MAML3: variants seen among roughly 807,000 people sequenced by gnomAD.
The protein encoded by MAML3 is mastermind-like protein 3.
MAML3 carries 27 observed loss-of-function variants against 101.9 expected under a neutral mutation model. That is an observed-to-expected ratio of 0.27 (90% CI 0.20 to 0.37). The LOEUF (loss-of-function observed/expected upper bound fraction) is 0.37, where lower values mean the gene tolerates loss of function less well. Ranked by LOEUF, MAML3 falls within the 10% of genes least tolerant of loss-of-function variation. The probability of loss-of-function intolerance (pLI) is 1.00; values close to 1 mark genes in which losing one functional copy is unlikely to be tolerated. For missense variants in MAML3, 1,316 were observed against 1,444.9 expected, an observed-to-expected ratio of 0.91 and a Z score of 1.45; for synonymous variants, 501 against 555.9, an observed-to-expected ratio of 0.90 and a Z score of 1.39.
At chr4:140,040,843 C>T (rs1332806807) in intron 1 of MAML3, among the ~76,000 whole-genome samples, 1 of 152,018 alleles carries the variant, frequency 6.6e-6, no homozygotes, top group Admixed American at 6.6e-5. Flanking sequence ...AAACATAAAA[C>T]ATTACCCTCC....
intron 1 of MAML3, among the ~76,000 whole-genome samples, chr4:139,954,783 T>C (rs1463917568): frequency 6.6e-6 from 1 of 152,172 alleles, no homozygotes; most frequent in African/African-American, 2.4e-5. Flanking sequence ...GCCTTTCGAG[T>C]ATCTGGGATT....
intron 2 of MAML3, among the ~76,000 whole-genome samples, chr4:139,801,081 C>T (rs1730595332): frequency 6.6e-6 from 1 of 152,190 alleles, no homozygotes; most frequent in African/African-American, 2.4e-5. Flanking sequence ...TAGAAATAAC[C>T]AGGCTTCTAA....
At position 140,016,050 on chromosome 4, in the gene MAML3, T is replaced by TA. The variant is rs969997165; in HGVS notation, c.469-125084dup. ...TAAATGGAAAATCTCAAGAGATCTT[T>TA]AAAAAAAAAGGACCTCCTAAAACTA... On this transcript the variant is annotated intron_variant, in intron 1 of 4. Transcript: ENST00000509479. 9.3e-5 allele frequency among the ~76,000 whole-genome samples: 14 copies of TA among 150,966 alleles called. No homozygotes were observed. The South Asian group carries it at 1.3e-3, about 14-fold the overall frequency.
chr4:140,131,273 T>C (rs1189467890), intron 1 of MAML3, among the ~76,000 whole-genome samples: 1 of 152,208 alleles, frequency 6.6e-6, no homozygotes, highest in Non-Finnish European at 1.5e-5. Context: ...TAACGTGCCC[T>C]TAAAAGTCAA....
intron 1 of MAML3, among the ~76,000 whole-genome samples, chr4:140,102,335 G>A (rs2056384): frequency 0.96 from 145,692 of 152,284 alleles, 69,991 homozygotes; most frequent in East Asian, 1. Flanking sequence ...TATTGCTGCC[G>A]TAAGAAAATA....
At chr4:139,946,261 A>C (rs1578611434) in intron 1 of MAML3, among the ~76,000 whole-genome samples, 1 of 152,242 alleles carries the variant, frequency 6.6e-6, no homozygotes, top group African/African-American at 2.4e-5. Context: ...GTTTCATAAT[A>C]GCCGTTTTTG....
At chr4:139,747,759 G>T (rs997303816) in intron 2 of MAML3, among the ~76,000 whole-genome samples, 1 of 151,548 alleles carries the variant, frequency 6.6e-6, no homozygotes, top group African/African-American at 2.4e-5. Context: ...AGAGTAATAA[G>T]AATGCATATA....
At chr4:140,081,380 T>C (rs570968093) in intron 1 of MAML3, among the ~76,000 whole-genome samples, 2 of 151,870 alleles carry the variant, frequency 1.3e-5, no homozygotes, top group East Asian at 3.9e-4. Context: ...AGAAGAAAAA[T>C]AGTATATCCA....
intron 1 of MAML3, among the ~76,000 whole-genome samples, chr4:140,090,044 A>G (rs1728017487): frequency 6.6e-6 from 1 of 152,242 alleles, no homozygotes; most frequent in Admixed American, 6.5e-5. Flanking sequence ...ATTTTTCCAA[A>G]TCCAATGCAT....
At chr4:139,800,614 C>T (rs1730588337) in intron 2 of MAML3, among the ~76,000 whole-genome samples, 1 of 152,142 alleles carries the variant, frequency 6.6e-6, no homozygotes, top group South Asian at 2.1e-4. Context: ...ACGAAGGAGG[C>T]CTCCGTCACT....
At chr4:139,948,779 C>T (rs1733780911) in intron 1 of MAML3, among the ~76,000 whole-genome samples, 2 of 152,116 alleles carry the variant, frequency 1.3e-5, no homozygotes, top group Non-Finnish European at 2.9e-5. Context: ...TATGTATGGA[C>T]ACGTATATTA....
intron 2 of MAML3, among the ~76,000 whole-genome samples, chr4:139,798,034 GAGAAAGAAAGAAAGAA>G (rs60781175): frequency 0.068 from 8,434 of 124,520 alleles, 326 homozygotes; most frequent in Admixed American, 0.094. Flanking sequence ...AGGAGAGAGA[GAGAAAGAAAGAAAGAA>G]AGAAAGAAAG....
At chr4:139,879,883 C>G (rs1015318908) in intron 2 of MAML3, among the ~76,000 whole-genome samples, 1 of 152,126 alleles carries the variant, frequency 6.6e-6, no homozygotes, top group Non-Finnish European at 1.5e-5. Flanking sequence ...CAATTAAAAC[C>G]TCTTTCGGGC....
chr4:139,726,279 C>T (rs1728469831), intron 3 of MAML3, among the ~76,000 whole-genome samples: 1 of 152,200 alleles, frequency 6.6e-6, no homozygotes, highest in Non-Finnish European at 1.5e-5. Flanking sequence ...CTTGTTCATT[C>T]TCACTGTTGG....
intron 2 of MAML3, among the ~76,000 whole-genome samples, chr4:139,844,766 A>G (rs894404664): frequency 3.3e-5 from 5 of 152,188 alleles, no homozygotes; most frequent in African/African-American, 1.2e-4. Flanking sequence ...GTTCATCAAT[A>G]GTGGGATGAC....
chr4:140,018,922 A>C (rs1726690056), intron 1 of MAML3, among the ~76,000 whole-genome samples: 1 of 146,888 alleles, frequency 6.8e-6, no homozygotes, highest in Non-Finnish European at 1.5e-5. Flanking sequence ...AAGACAAGAA[A>C]AATGAAAAAA....
intron 2 of MAML3, among the ~76,000 whole-genome samples, chr4:139,842,373 G>A (rs1731377089): frequency 6.6e-6 from 1 of 152,078 alleles, no homozygotes; most frequent in African/African-American, 2.4e-5. Flanking sequence ...TTACATACAA[G>A]GAAACTAATT....
intron 1 of MAML3, among the ~76,000 whole-genome samples, chr4:139,952,618 G>A (rs1033020924): frequency 9.2e-5 from 14 of 152,148 alleles, no homozygotes; most frequent in Non-Finnish European, 1.9e-4. Flanking sequence ...AATGGCTAGT[G>A]GCCCACCAAA....
intron 1 of MAML3, among the ~76,000 whole-genome samples, chr4:140,044,489 G>A (rs1405498019): frequency 6.6e-6 from 1 of 152,134 alleles, no homozygotes; most frequent in African/African-American, 2.4e-5. Flanking sequence ...TCCAGAATGG[G>A]CCCTTATTTC....
Sources: allele counts gnomAD v4.1 joint callset (sites outside exome capture counted in the v4.1 genomes callset), GRCh38; gene constraint gnomAD v4.1.1; transcripts MANE v1.5; gene names NCBI Gene and HGNC (gene_info 2026-07-23, HGNC 2026-07-21).